CYP2C18: variants seen among roughly 807,000 people sequenced by gnomAD.
CYP2C18 encodes cytochrome P450 2C18.
Under a neutral mutation model 41.3 loss-of-function variants are expected in CYP2C18, and 38 were observed. The observed-to-expected ratio is 0.92, with a 90% CI of 0.71 to 1.21. The LOEUF is 1.21. Ranked by LOEUF, CYP2C18 falls within the 50% of genes most tolerant of loss-of-function variation. The pLI, the probability that CYP2C18 is intolerant of heterozygous loss-of-function variation, is 0.00. For synonymous variants in CYP2C18, 236 were observed against 210.0 expected (o/e 1.12, Z -1.07); for missense variants, 635 against 591.4 (o/e 1.07, Z -0.77).
At chr10:94,715,610 C>G (rs1027193293) in intron 5 of CYP2C18, among the ~76,000 whole-genome samples, 3 of 152,058 alleles carry the variant, frequency 2.0e-5, no homozygotes, top group Admixed American at 6.6e-5. Flanking sequence ...ATTTTTGTAT[C>G]GATGTGCATC....
At chr10:94,735,200 C>T (rs1589809628) in intron 8 of CYP2C18, 63 bp from the exon 9 acceptor site, 2 of 1,483,420 alleles carry the variant, frequency 1.3e-6, no homozygotes, top group East Asian at 2.3e-5. Flanking sequence ...TTACTGCATA[C>T]TCTTTGTGAC....
Position 94,694,941 on chromosome 10 carries a change from T to C in CYP2C18, c.506T>C (p.Ile169Thr), listed in dbSNP as rs1217696708. ...GCCTCACCCTGTGATCCCACTTTCATCCTGGGCTGTGCTCCCTGCAATGTG... is the reference window on the plus strand; with the variant it reads ...GCCTCACCCTGTGATCCCACTTTCACCCTGGGCTGTGCTCCCTGCAATGTG... ...TNASPCDPTF[I>T]LGCAPCNVIC... Residue 169 changes from isoleucine to threonine, a missense_variant, in exon 4 of 9, where the codon ATC becomes ACC. By Grantham distance (89) the Ile-to-Thr change is moderately conservative (BLOSUM62 -1). Coordinates refer to ENST00000285979, the MANE Select transcript of CYP2C18 (RefSeq NM_000772.3). 1.9e-6 allele frequency: 3 copies of C among 1,612,694 alleles called. No homozygotes were observed. The highest frequency in any genetic ancestry group is 3.3e-5 in the Admixed American group (2 of 60,012).
intron 1 of CYP2C18, among the ~76,000 whole-genome samples, chr10:94,684,396 T>C (rs1846846275): frequency 6.6e-6 from 1 of 152,188 alleles, no homozygotes; most frequent in African/African-American, 2.4e-5. Context: ...TTCTAATCTC[T>C]ACTTCTCTGA....
intron 4 of CYP2C18, among the ~76,000 whole-genome samples, chr10:94,700,810 G>T (rs187628281): frequency 1.3e-5 from 2 of 152,230 alleles, no homozygotes; most frequent in East Asian, 1.9e-4. Context: ...GTGGGCAAAG[G>T]TTATGAACAG....
chr10:94,687,294 TC>T (rs1846905316), intron 1 of CYP2C18, among the ~76,000 whole-genome samples: 1 of 151,538 alleles, frequency 6.6e-6, no homozygotes, highest in Non-Finnish European at 1.5e-5. Context: ...ATGACAGGAC[TC>T]CTGCATCAGG....
chr10:94,701,312 CT>C (rs1172485602), intron 4 of CYP2C18, among the ~76,000 whole-genome samples: 4 of 152,144 alleles, frequency 2.6e-5, no homozygotes, highest in Non-Finnish European at 4.4e-5. Flanking sequence ...AGTTCATGTC[CT>C]TTGTAAGGAC....
chr10:94,701,162 A>C (rs1288381865), intron 4 of CYP2C18, among the ~76,000 whole-genome samples: 2 of 152,220 alleles, frequency 1.3e-5, no homozygotes, highest in Non-Finnish European at 2.9e-5. Flanking sequence ...ATAAAGACAC[A>C]TGCACACATA....
chr10:94,720,072 T>G (rs1250443934), intron 5 of CYP2C18, among the ~76,000 whole-genome samples: 1 of 152,136 alleles, frequency 6.6e-6, no homozygotes, highest in Non-Finnish European at 1.5e-5. Context: ...TACCTTCATA[T>G]ATGTGTTTTG....
rs1846916757 is a variant in CYP2C18 at position 94,687,778 on chromosome 10, A to T, written c.177A>T (p.Lys59Asn). 1.2e-6 allele frequency: 2 copies of T among 1,610,992 alleles called. No individual in the cohort carries two copies. Among genetic ancestry groups the T allele is most frequent in the Middle Eastern group, 1.7e-4 (1 of 6,036 alleles). Residue 59 changes from lysine (K) to asparagine (N), a missense_variant, in exon 2 of 9, where the codon AAA (lysine) becomes AAT (asparagine). Lys to Asn is a moderately conservative substitution (Grantham distance 94, BLOSUM62 0). Transcript: ENST00000285979. ...TCCTTTTCTATGTTTAGTTCTCAAA[A>T]GTCTATGGCCCTGTGTTCACTGTGT... ...DMSKSLTNFS[K>N]VYGPVFTVYF...
chr10:94,713,427 C>A (rs148482141), intron 5 of CYP2C18, among the ~76,000 whole-genome samples: 3 of 151,290 alleles, frequency 2.0e-5, no homozygotes, highest in Non-Finnish European at 4.4e-5. Flanking sequence ...TGAGAACATG[C>A]GGTGTTTGGT....
chr10:94,700,543 C>T lies in CYP2C18; in HGVS notation c.642+5466C>T, dbSNP rs1274714038. Among the ~76,000 whole-genome samples the T allele has an allele frequency of 3.3e-5, 5 of 152,288 alleles. No homozygotes were observed. The East Asian group carries it at 9.6e-4, about 29-fold the overall frequency. ...ACCGTAGAAGAAAACCTAGGCAATACCATTCAGGACAGAGGCATGGGCAAG... is the reference window on the plus strand; with the variant it reads ...ACCGTAGAAGAAAACCTAGGCAATATCATTCAGGACAGAGGCATGGGCAAG... On this transcript the variant is annotated intron_variant, in intron 4 of 8. Coordinates refer to ENST00000285979, the MANE Select transcript of CYP2C18 (RefSeq NM_000772.3).
At chr10:94,694,843 T>C in intron 3 of CYP2C18, 74 bp from the exon 4 acceptor site, 2 of 1,504,928 alleles carry the variant, frequency 1.3e-6, no homozygotes, top group Non-Finnish European at 1.8e-6. Flanking sequence ...CTAAAAATAC[T>C]TTTTCCTGTA....
At chr10:94,684,301 C>T (rs1470391143) in intron 1 of CYP2C18, among the ~76,000 whole-genome samples, 3 of 152,138 alleles carry the variant, frequency 2.0e-5, no homozygotes, top group Admixed American at 2.0e-4. Flanking sequence ...GCTTATTCCT[C>T]CTATCTAAGT....
At chr10:94,707,015 G>T (rs560809671) in intron 5 of CYP2C18, 55 bp downstream of exon 5, 1 of 1,497,792 alleles carries the variant, frequency 6.7e-7, no homozygotes, top group Non-Finnish European at 9.2e-7. Context: ...GTTCTATAAC[G>T]ATTGCTTAAA....
intron 3 of CYP2C18, among the ~76,000 whole-genome samples, chr10:94,691,258 G>T (rs1846993769): frequency 6.6e-6 from 1 of 152,182 alleles, no homozygotes; most frequent in African/African-American, 2.4e-5. Flanking sequence ...TAACATGATT[G>T]TATATCTAGA....
intron 1 of CYP2C18, among the ~76,000 whole-genome samples, chr10:94,686,321 T>C (rs1258360602): frequency 6.6e-6 from 1 of 152,300 alleles, no homozygotes; most frequent in Non-Finnish European, 1.5e-5. Flanking sequence ...TATAAGATTA[T>C]TTCATCAGGA....
rs751022156 is a variant in CYP2C18, at chr10:94,688,164, G to A, written c.371G>A (p.Arg124Gln). The A allele has an allele frequency of 3.3e-5, 53 of 1,613,558 alleles. No individual in the cohort carries two copies. The highest frequency in any genetic ancestry group is 4.3e-5 in the Non-Finnish European group (51 of 1,179,794). Reference protein sequence around the residue: ...FSNGKRWKEIRRFCLMTLRNF... With the variant: ...FSNGKRWKEIQRFCLMTLRNF... ...AATGGAAAGAGATGGAAGGAGATCC[G>A]GCGTTTCTGCCTCATGACTCTGCGG... Residue 124 changes from arginine (R) to glutamine (Q), a missense_variant, in exon 3 of 9, where the codon CGG becomes CAG. By Grantham distance (43) the Arg-to-Gln change is conservative (BLOSUM62 1). Coordinates refer to ENST00000285979, the MANE Select transcript of CYP2C18 (RefSeq NM_000772.3).
chr10:94,688,074 C>G, intron 2 of CYP2C18, 51 bp from the exon 3 acceptor site: 1 of 1,612,150 alleles, frequency 6.2e-7, no homozygotes, highest in Non-Finnish European at 8.5e-7. Flanking sequence ...TGTCAGCTCT[C>G]TTGTCCTTGT....
chr10:94,684,077 G>T, intron 1 of CYP2C18, 90 bp downstream of exon 1: 1 of 919,854 alleles, frequency 1.1e-6, no homozygotes. Context: ...AGTGATAAAT[G>T]ATAATTGTAT....
Sources: gnomAD v4.1 joint callset for allele counts (sites outside exome capture counted in the v4.1 genomes callset) on GRCh38, gnomAD v4.1.1 for gene constraint, MANE v1.5 for transcripts, NCBI Gene and HGNC (gene_info 2026-07-23, HGNC 2026-07-21) for gene names.